The following SLC39A11 variants were observed in gnomAD, a reference collection of about 807,000 sequenced individuals.
The protein encoded by SLC39A11 is solute carrier family 39 member 11, also known as zinc transporter ZIP11.
A neutral mutation model predicts 36.1 loss-of-function variants in SLC39A11; 33 were observed. That is an observed-to-expected ratio of 0.91 (90% confidence interval 0.69 to 1.22). SLC39A11 has a LOEUF of 1.22. Among genes scored for constraint, SLC39A11 ranks in the 50% most tolerant of loss-of-function variants. The probability of loss-of-function intolerance (pLI) is 0.00; values close to 1 mark genes in which losing one functional copy is unlikely to be tolerated. For synonymous variants in SLC39A11, 166 were observed against 170.3 expected (o/e 0.97, Z 0.20); for missense variants, 432 against 430.3 (o/e 1.00, Z -0.03).
At chr17:73,044,759 A>G (rs576711011) in intron 3 of SLC39A11, among the ~76,000 whole-genome samples, 6 of 152,128 alleles carry the variant, frequency 3.9e-5, no homozygotes, top group African/African-American at 1.4e-4. Flanking sequence ...CTGTAATCCC[A>G]GCTACTCAGG....
chr17:72,760,884 T>A (rs1232317795), intron 6 of SLC39A11, among the ~76,000 whole-genome samples: 3 of 152,104 alleles, frequency 2.0e-5, no homozygotes, highest in Non-Finnish European at 2.9e-5. Flanking sequence ...GGAAATCCTC[T>A]GGCCAAGGCA....
chr17:72,925,806 T>C (rs2084016833), intron 5 of SLC39A11, among the ~76,000 whole-genome samples: 1 of 152,204 alleles, frequency 6.6e-6, no homozygotes, highest in Non-Finnish European at 1.5e-5. Flanking sequence ...ACATTGCACA[T>C]GGCCACAGGG....
At chr17:73,043,441 C>T (rs1364484070) in intron 3 of SLC39A11, among the ~76,000 whole-genome samples, 1 of 152,198 alleles carries the variant, frequency 6.6e-6, no homozygotes, top group African/African-American at 2.4e-5. Flanking sequence ...CAGCTCCCCT[C>T]CACAACCTAC....
chr17:72,949,403 C>T (rs1441920614), intron 4 of SLC39A11, among the ~76,000 whole-genome samples: 2 of 151,790 alleles, frequency 1.3e-5, no homozygotes, highest in African/African-American at 4.8e-5. Flanking sequence ...TCAAGTGATC[C>T]ACCTGCCTCG....
At chr17:72,967,938 T>C (rs1036475276) in intron 4 of SLC39A11, among the ~76,000 whole-genome samples, 6 of 152,088 alleles carry the variant, frequency 3.9e-5, no homozygotes, top group Admixed American at 1.3e-4. Context: ...GTTGTTACAA[T>C]TGTCTACACG....
intron 3 of SLC39A11, among the ~76,000 whole-genome samples, chr17:73,034,012 T>C (rs1192028856): frequency 1.3e-5 from 2 of 152,136 alleles, no homozygotes; most frequent in Non-Finnish European, 2.9e-5. Flanking sequence ...GGATGGGAGC[T>C]GAGGCTGATC....
At chr17:73,056,803 T>A (rs1189882440) in intron 3 of SLC39A11, among the ~76,000 whole-genome samples, 2 of 152,154 alleles carry the variant, frequency 1.3e-5, no homozygotes, top group East Asian at 3.9e-4. Flanking sequence ...GTACAAGAAC[T>A]ATGAACCCAG....
At chr17:72,891,783 TTTA>T (rs2081758789) in intron 5 of SLC39A11, among the ~76,000 whole-genome samples, 1 of 151,536 alleles carries the variant, frequency 6.6e-6, no homozygotes, top group Non-Finnish European at 1.5e-5. Context: ...TTTATTACTA[TTTA>T]TTACTATTTT....
intron 7 of SLC39A11, among the ~76,000 whole-genome samples, chr17:72,665,389 G>GTTTTTTTTT (rs780329919): frequency 0.059 from 4,489 of 76,220 alleles, 636 homozygotes; most frequent in Non-Finnish European, 0.079. Context: ...GTTTTGAGGT[G>GTTTTTTTTT]TTTTTTTTTT....
intron 4 of SLC39A11, among the ~76,000 whole-genome samples, chr17:72,978,135 G>A (rs948602597): frequency 1.3e-5 from 2 of 152,332 alleles, no homozygotes; most frequent in South Asian, 2.1e-4. Flanking sequence ...CTGGGCTGTC[G>A]TCTGGGCCCC....
chr17:72,754,196 T>C (rs1222930111), intron 6 of SLC39A11, among the ~76,000 whole-genome samples: 1 of 151,758 alleles, frequency 6.6e-6, no homozygotes, highest in African/African-American at 2.4e-5. Context: ...AACTCAGGAA[T>C]GGAAAACCAA....
At chr17:72,771,828 T>C (rs145888927) in intron 6 of SLC39A11, among the ~76,000 whole-genome samples, 98 of 152,240 alleles carry the variant, frequency 6.4e-4, no homozygotes, top group Middle Eastern at 3.4e-3. Flanking sequence ...TCAAAAATAA[T>C]GCAACAAACC....
rs11318251 is a variant in SLC39A11 at position 72,957,818 on chromosome 17, C to CA, written c.307-9944dup. Among the ~76,000 whole-genome samples, 217 of 145,002 alleles carry CA rather than the reference C, an allele frequency of 1.5e-3. 1 individual carries two copies. The highest frequency in any genetic ancestry group is 5.1e-3 in the African/African-American group (199 of 39,288). ...TGGGCGACAAAGGGAGACCCTGTCTCAAAAAAAAAAAACAAACAAAAATTA... is the reference window on the plus strand; with the variant it reads ...TGGGCGACAAAGGGAGACCCTGTCTCAAAAAAAAAAAAACAAACAAAAATTA... On this transcript the variant is annotated intron_variant, in intron 4 of 9. Transcript: ENST00000255559.
intron 6 of SLC39A11, among the ~76,000 whole-genome samples, chr17:72,835,446 T>A (rs879527182): frequency 2.0e-4 from 31 of 152,140 alleles, no homozygotes; most frequent in Non-Finnish European, 3.8e-4. Context: ...TCCTGCTGTG[T>A]TCTAGGAACC....
intron 5 of SLC39A11, among the ~76,000 whole-genome samples, chr17:72,905,449 T>C (rs1352407525): frequency 6.6e-6 from 1 of 151,700 alleles, no homozygotes; most frequent in Non-Finnish European, 1.5e-5. Flanking sequence ...CACAAAAAAT[T>C]ACCCAGGTGT....
intron 4 of SLC39A11, among the ~76,000 whole-genome samples, chr17:73,018,342 A>G (rs2058235462): frequency 6.6e-6 from 1 of 152,170 alleles, no homozygotes; most frequent in Admixed American, 6.5e-5. Context: ...TGAGGTCAGG[A>G]GTTCAAGACC....
chr17:72,958,449 T>C (rs1415248306), intron 4 of SLC39A11, among the ~76,000 whole-genome samples: 1 of 152,166 alleles, frequency 6.6e-6, no homozygotes, highest in Non-Finnish European at 1.5e-5. Flanking sequence ...TCACAATCTA[T>C]ACATCTGACA....
chr17:73,036,160 TTTTAAGCCACTACA>T (rs2058907969), intron 3 of SLC39A11, among the ~76,000 whole-genome samples: 2 of 152,348 alleles, frequency 1.3e-5, no homozygotes, highest in South Asian at 2.1e-4. Flanking sequence ...ATTTGCACTG[TTTTAAGCCACTACA>T]TTCATGGTAG....
chr17:73,006,310 A>G (rs1044343776), intron 4 of SLC39A11, among the ~76,000 whole-genome samples: 4 of 152,242 alleles, frequency 2.6e-5, no homozygotes, highest in African/African-American at 4.8e-5. Context: ...AACACAAAAC[A>G]AAGTTTTAAA....
Sources: allele counts gnomAD v4.1 joint callset (sites outside exome capture counted in the v4.1 genomes callset), GRCh38; gene constraint gnomAD v4.1.1; transcripts MANE v1.5; gene names NCBI Gene and HGNC (gene_info 2026-07-23, HGNC 2026-07-21).